EDEM3: variants seen among roughly 807,000 people sequenced by gnomAD.
The protein encoded by EDEM3 is ER degradation-enhancing alpha-mannosidase-like protein 3.
In EDEM3, 60 loss-of-function variants were observed where a neutral mutation model predicts 110.2. That is an observed-to-expected ratio of 0.54 (90% CI 0.44 to 0.67). The LOEUF (loss-of-function observed/expected upper bound fraction) is 0.67. Among genes scored for constraint, EDEM3 ranks in the 30% least tolerant of loss-of-function variants. The pLI, the probability that EDEM3 is intolerant of heterozygous loss-of-function variation, is 0.00. For missense variants in EDEM3, 996 were observed against 1,121.0 expected (o/e 0.89, Z 1.59); for synonymous variants, 352 against 382.9 (o/e 0.92, Z 0.94).
intron 7 of EDEM3, 133 bp from the exon 8 acceptor site, chr1:184,723,989 A>G: frequency 1.6e-6 from 1 of 626,350 alleles, no homozygotes; most frequent in Non-Finnish European, 2.5e-6. Flanking sequence ...AATTTCTAAG[A>G]TAACTATTTA....
intron 2 of EDEM3, among the ~76,000 whole-genome samples, chr1:184,739,107 T>C (rs1049393803): frequency 2.2e-4 from 34 of 151,880 alleles, no homozygotes; most frequent in Non-Finnish European, 4.6e-4. Context: ...CCCCAATGGC[T>C]TGAAATATTG....
chr1:184,753,165 G>A (rs1469488241), intron 1 of EDEM3, among the ~76,000 whole-genome samples: 1 of 151,806 alleles, frequency 6.6e-6, no homozygotes, highest in African/African-American at 2.4e-5. Flanking sequence ...CTAACCCCAT[G>A]AGATAATCTT....
chr1:184,731,850 A>C lies in EDEM3; in HGVS notation c.612+987T>G, dbSNP rs1204597977. 4.6e-5 allele frequency among the ~76,000 whole-genome samples: 7 copies of C among 152,342 alleles called. No individual in the cohort carries two copies. The East Asian group carries it at 1.3e-3, about 29-fold the overall frequency. ...ATGAGATCCTGTCATTTACAACAAC[A>C]TGGATGGAAGTGGAGGGCACTATGT... On this transcript the variant is annotated intron_variant, in intron 6 of 19. Coordinates refer to ENST00000318130, the MANE Select transcript of EDEM3 (RefSeq NM_025191.4).
intron 19 of EDEM3, chr1:184,701,687 GA>G (rs1215792168): frequency 9.7e-5 from 40 of 413,590 alleles, no homozygotes; most frequent in Non-Finnish European, 1.3e-4. Context: ...AAGGGCCCAG[GA>G]AAAAAAAATC....
At chr1:184,752,614 C>T (rs568026109) in intron 1 of EDEM3, among the ~76,000 whole-genome samples, 3 of 152,072 alleles carry the variant, frequency 2.0e-5, no homozygotes, top group Non-Finnish European at 4.4e-5. Context: ...TAATTTTGGT[C>T]AAAAATGATT....
At chr1:184,747,747 G>T (rs1652514007) in intron 2 of EDEM3, among the ~76,000 whole-genome samples, 1 of 152,210 alleles carries the variant, frequency 6.6e-6, no homozygotes, top group African/African-American at 2.4e-5. Context: ...GCACAGGCCA[G>T]AAAGTCCTCT....
At chr1:184,735,936 A>G (rs925614384) in intron 4 of EDEM3, among the ~76,000 whole-genome samples, 3 of 152,124 alleles carry the variant, frequency 2.0e-5, no homozygotes, top group African/African-American at 4.8e-5. Flanking sequence ...ACTCTTCCAT[A>G]TGTTTTCTTT....
In EDEM3 at chr1:184,742,817, A is replaced by T. The variant is rs566830123; in HGVS notation, c.205-5106T>A. Among the ~76,000 whole-genome samples the T allele has an allele frequency of 7.2e-5, 11 of 152,374 alleles. No homozygotes were observed. In the South Asian group the frequency reaches 2.1e-3, roughly 29 times the overall value. ...CTTTATAGTTTTATATTTAACACAT[A>T]TAAACAACACTTAGAAGAAATACAA... On this transcript the variant is annotated intron_variant, in intron 2 of 19. Coordinates refer to ENST00000318130, the MANE Select transcript of EDEM3 (RefSeq NM_025191.4).
At chr1:184,729,059 CT>C (rs1044179535) in intron 6 of EDEM3, among the ~76,000 whole-genome samples, 1 of 152,080 alleles carries the variant, frequency 6.6e-6, no homozygotes, top group African/African-American at 2.4e-5. Flanking sequence ...GGTTCTTGTC[CT>C]CCTGACTAGG....
intron 8 of EDEM3, among the ~76,000 whole-genome samples, chr1:184,722,450 C>A (rs911003941): frequency 1.3e-5 from 2 of 151,922 alleles, no homozygotes; most frequent in African/African-American, 4.8e-5. Context: ...CAGTGAAATA[C>A]TAGAAAACAG....
At chr1:184,698,874 T>C (rs1327790582) in intron 19 of EDEM3, among the ~76,000 whole-genome samples, 1 of 151,722 alleles carries the variant, frequency 6.6e-6, no homozygotes, top group Non-Finnish European at 1.5e-5. Context: ...GAAGGAGCTA[T>C]AGAACCAGAA....
intron 2 of EDEM3, among the ~76,000 whole-genome samples, chr1:184,746,654 G>A (rs909858742): frequency 1.3e-5 from 2 of 152,168 alleles, no homozygotes; most frequent in Non-Finnish European, 2.9e-5. Context: ...CCAGATGAGA[G>A]GTGGCAGAGC....
At chr1:184,711,571 C>A in intron 15 of EDEM3, 152 bp downstream of exon 15, 1 of 498,752 alleles carries the variant, frequency 2.0e-6, no homozygotes, top group South Asian at 6.8e-5. Flanking sequence ...AACTTTACTA[C>A]TAATTTTTAT....
intron 7 of EDEM3, 129 bp downstream of exon 7, chr1:184,726,125 GA>G (rs1318885303): frequency 1.2e-5 from 15 of 1,260,790 alleles, no homozygotes; most frequent in Non-Finnish European, 1.6e-5. Flanking sequence ...CCATGTAAAG[GA>G]ATTTAGACAA....
At chr1:184,718,287 T>C (rs1280612037) in intron 11 of EDEM3, among the ~76,000 whole-genome samples, 1 of 152,076 alleles carries the variant, frequency 6.6e-6, no homozygotes, top group Non-Finnish European at 1.5e-5. Context: ...TTCAATAACA[T>C]AATCAATTGG....
chr1:184,745,673 C>T (rs1172564059), intron 2 of EDEM3, among the ~76,000 whole-genome samples: 2 of 151,946 alleles, frequency 1.3e-5, no homozygotes, highest in African/African-American at 2.4e-5. Context: ...TGAAAGAGTT[C>T]CTTTGGTTTG....
intron 4 of EDEM3, 137 bp downstream of exon 4, chr1:184,736,888 G>T: frequency 4.4e-6 from 3 of 681,914 alleles, no homozygotes; most frequent in South Asian, 2.2e-5. Context: ...CAGTGTAAAA[G>T]ATTTATTTAG....
At chr1:184,697,119 T>C (rs906022669) in intron 19 of EDEM3, among the ~76,000 whole-genome samples, 1 of 151,814 alleles carries the variant, frequency 6.6e-6, no homozygotes, top group Non-Finnish European at 1.5e-5. Context: ...AGTTAAAATA[T>C]AATCATTAAA....
chr1:184,753,264 A>AT (rs923078168), intron 1 of EDEM3, among the ~76,000 whole-genome samples: 48 of 149,250 alleles, frequency 3.2e-4, no homozygotes, highest in South Asian at 1.5e-3. Flanking sequence ...TACAACTTGC[A>AT]TTTTTTTTTG....
Sources: allele counts gnomAD v4.1 joint callset (sites outside exome capture counted in the v4.1 genomes callset), GRCh38; gene constraint gnomAD v4.1.1; transcripts MANE v1.5; gene names NCBI Gene and HGNC (gene_info 2026-07-23, HGNC 2026-07-21).